ZNF486: variants seen among roughly 807,000 people sequenced by gnomAD.
ZNF486 encodes KRAB box only protein 2.
Under a neutral mutation model 12.8 loss-of-function variants are expected in ZNF486, and 12 were observed. The observed-to-expected ratio is 0.94, with a 90% confidence interval of 0.60 to 1.52. The LOEUF (loss-of-function observed/expected upper bound fraction) is 1.52, where lower values mean the gene tolerates loss of function less well. Ranked by LOEUF, ZNF486 falls within the 40% of genes most tolerant of loss-of-function variation. The pLI is 0.00. For synonymous variants in ZNF486, 231 were observed against 184.9 expected (o/e 1.25, Z -2.02); for missense variants, 738 against 545.0 (o/e 1.35, Z -3.53).
chr19:20,187,053 G>C (rs1365841582), intron 3 of ZNF486, among the ~76,000 whole-genome samples: 1 of 151,918 alleles, frequency 6.6e-6, no homozygotes, highest in Non-Finnish European at 1.5e-5. Flanking sequence ...AAAGTGCTGG[G>C]ATTACAGGCA....
chr19:20,180,452 A>C (rs2122648256), intron 1 of ZNF486, among the ~76,000 whole-genome samples: 1 of 152,296 alleles, frequency 6.6e-6, no homozygotes, highest in South Asian at 2.1e-4. Context: ...TGAATTGTGC[A>C]TTGTATGGTT....
At chr19:20,177,935 C>CTTTTTTTTTTTTTTTTTTTTTTTT (rs1241165221) in intron 1 of ZNF486, among the ~76,000 whole-genome samples, 4 of 145,092 alleles carry the variant, frequency 2.8e-5, no homozygotes, top group African/African-American at 1.1e-4. Context: ...AACATTTGTT[C>CTTTTTTTTTTTTTTTTTTTTTTTT]TTTTTTTTTG....
Position 20,197,239 on chromosome 19 carries a change from A to G in ZNF486, c.529A>G (p.Thr177Ala), listed in dbSNP as rs202221964. Residue 177 changes from threonine to alanine, a missense_variant, in exon 4 of 4, where the codon ACT (threonine) becomes GCT (alanine). Transcript: ENST00000335117. ...TTCAAAGAGACATAAAAGAAGACAT[A>G]CTGAAAAAAAACCTTTGAAATATAT... ...SNSKRHKRRH[T>A]EKKPLKYIEG... 2 of 1,612,514 alleles carry G rather than the reference A, an allele frequency of 1.2e-6. No individual in the cohort carries two copies. The highest frequency in any genetic ancestry group is 1.3e-5 in the African/African-American group (1 of 74,734).
intron 1 of ZNF486, among the ~76,000 whole-genome samples, chr19:20,179,091 TG>T (rs771110174): frequency 3.0e-4 from 45 of 152,350 alleles, no homozygotes; most frequent in Non-Finnish European, 5.4e-4. Context: ...CAGGTTCTTT[TG>T]GTTATCAAAC....
At chr19:20,186,131 C>G (rs201583962) in intron 3 of ZNF486, 49 bp downstream of exon 3, 2 of 1,441,342 alleles carry the variant, frequency 1.4e-6, no homozygotes, top group Admixed American at 2.4e-5. Flanking sequence ...ATAAGAGGTC[C>G]CAAGGTCAAA....
At position 20,200,349 on chromosome 19, in the gene ZNF486, G is replaced by A. The variant is rs192153055; in HGVS notation, c.*2247G>A. ...GCTCTTTGTAGTTAACCTATATGAAGTAATGTATAAGGTAGGTCAGAGTAA... is the reference window on the plus strand; with the variant it reads ...GCTCTTTGTAGTTAACCTATATGAAATAATGTATAAGGTAGGTCAGAGTAA... On this transcript the variant is annotated 3_prime_UTR_variant, in exon 4 of 4. Transcript: ENST00000335117. 1.2e-3 allele frequency: 176 copies of A among 152,108 alleles called. 1 individual carries two copies. Among genetic ancestry groups the A allele is most frequent in the African/African-American group, 4.0e-3 (166 of 41,528 alleles). 9.4% of individuals were successfully genotyped at this position (152,108 alleles called of 1,614,324 possible). A position where few individuals can be genotyped will look rare whatever the true frequency, so the allele number is the denominator to read the frequency against.
At chr19:20,172,108 A>G (rs1555713966) in intron 1 of ZNF486, among the ~76,000 whole-genome samples, 1 of 151,460 alleles carries the variant, frequency 6.6e-6, no homozygotes, top group Non-Finnish European at 1.5e-5. Flanking sequence ...GGTTCAAGTG[A>G]TTCTCCTGCC....
chr19:20,182,920 C>T (rs567861072), intron 1 of ZNF486, among the ~76,000 whole-genome samples: 18 of 152,222 alleles, frequency 1.2e-4, no homozygotes, highest in African/African-American at 4.3e-4. Context: ...AAAAGTGGCT[C>T]TTCTTAAGGT....
chr19:20,194,431 A>G (rs1555717597), intron 3 of ZNF486, among the ~76,000 whole-genome samples: 1 of 152,198 alleles, frequency 6.6e-6, no homozygotes, highest in African/African-American at 2.4e-5. Context: ...GAATGTTTTA[A>G]ATAAATTCAC....
chr19:20,200,085 AGT>A lies in ZNF486; in HGVS notation c.*1986_*1987del, dbSNP rs1186647395. 1 of 152,020 alleles carries A rather than the reference AGT, an allele frequency of 6.6e-6. No individual in the cohort carries two copies. The highest frequency in any genetic ancestry group is 2.4e-5 in the African/African-American group (1 of 41,394). 9.4% of individuals were successfully genotyped at this position (152,020 alleles called of 1,614,324 possible). Reference sequence around the variant, plus strand: ...AGCAAGACTCCATCTCAAAAAAAAAAGTGTATTTGTTTCCTTAAAAAAATTTT... The same window carrying A: ...AGCAAGACTCCATCTCAAAAAAAAAAGTATTTGTTTCCTTAAAAAAATTTT... On this transcript the variant is annotated 3_prime_UTR_variant, in exon 4 of 4. Coordinates refer to ENST00000335117, the MANE Select transcript of ZNF486 (RefSeq NM_052852.4).
Position 20,189,425 on chromosome 19 carries a change from T to A in ZNF486, c.253+3343T>A, listed in dbSNP as rs529386376. On this transcript the variant is annotated intron_variant, in intron 3 of 3. Coordinates refer to ENST00000335117, the MANE Select transcript of ZNF486 (RefSeq NM_052852.4). ...AAGTGAGGAACATTTATAACATTTTTAAATAATGGCTGCATCTTTGTTTTC... is the reference window on the plus strand; with the variant it reads ...AAGTGAGGAACATTTATAACATTTTAAAATAATGGCTGCATCTTTGTTTTC... Among the ~76,000 whole-genome samples, 6 of 152,324 alleles carry A rather than the reference T, an allele frequency of 3.9e-5. No individual in the cohort carries two copies. The East Asian group carries it at 5.8e-4, about 15-fold the overall frequency.
At chr19:20,190,833 C>T (rs1555717082) in intron 3 of ZNF486, among the ~76,000 whole-genome samples, 1 of 152,128 alleles carries the variant, frequency 6.6e-6, no homozygotes, top group Non-Finnish European at 1.5e-5. Flanking sequence ...TTTCCATGTT[C>T]ATGTTCTCCA....
At chr19:20,196,269 C>T (rs1200348829) in intron 3 of ZNF486, among the ~76,000 whole-genome samples, 2 of 151,808 alleles carry the variant, frequency 1.3e-5, no homozygotes, top group Non-Finnish European at 2.9e-5. Context: ...TCATGCTTTG[C>T]CCTCACAAAT....
At chr19:20,187,711 G>T (rs1215399833) in intron 3 of ZNF486, among the ~76,000 whole-genome samples, 13 of 151,970 alleles carry the variant, frequency 8.6e-5, no homozygotes, top group African/African-American at 3.1e-4. Flanking sequence ...CACCGTGTTA[G>T]CCAGGATGGT....
intron 1 of ZNF486, among the ~76,000 whole-genome samples, chr19:20,169,808 A>G (rs1555713600): frequency 6.6e-6 from 1 of 151,878 alleles, no homozygotes; most frequent in East Asian, 1.9e-4. Flanking sequence ...ATGGAGGGTG[A>G]AAAAGTCAGA....
chr19:20,176,159 G>A (rs1257751798), intron 1 of ZNF486: 4 of 160,424 alleles, frequency 2.5e-5, no homozygotes, highest in African/African-American at 6.7e-5. Flanking sequence ...GGTCGCGGCT[G>A]GGCAGAGGCG....
intron 3 of ZNF486, among the ~76,000 whole-genome samples, chr19:20,187,963 C>G (rs562383769): frequency 6.6e-6 from 1 of 152,148 alleles, no homozygotes; most frequent in Non-Finnish European, 1.5e-5. Flanking sequence ...GTTACAGGGG[C>G]TTGGGTAGTT....
chr19:20,192,546 G>C (rs2089912782), intron 3 of ZNF486, among the ~76,000 whole-genome samples: 1 of 152,092 alleles, frequency 6.6e-6, no homozygotes, highest in African/African-American at 2.4e-5. Flanking sequence ...GACCTCAGGT[G>C]ATCTGCCCGC....
intron 3 of ZNF486, among the ~76,000 whole-genome samples, chr19:20,186,374 C>T (rs1173000230): frequency 6.6e-6 from 1 of 152,268 alleles, no homozygotes; most frequent in African/African-American, 2.4e-5. Context: ...CACAATCTGG[C>T]TGCTTTTCCG....
Sources: gnomAD v4.1 joint callset for allele counts (sites outside exome capture counted in the v4.1 genomes callset) on GRCh38, gnomAD v4.1.1 for gene constraint, MANE v1.5 for transcripts, NCBI Gene and HGNC (gene_info 2026-07-23, HGNC 2026-07-21) for gene names.